Variants in PABPC4L observed in about 807,000 individuals in gnomAD.
PABPC4L encodes the protein poly(A) binding protein cytoplasmic 4 like.
For synonymous variants in PABPC4L, 169 were observed against 164.1 expected (o/e 1.03, Z -0.23); for missense variants, 452 against 451.4 (o/e 1.00, Z -0.01).
the PABPC4L span, among the ~76,000 whole-genome samples, chr4:134,063,255 T>G: frequency 6.6e-6 from 1 of 152,066 alleles, no homozygotes; most frequent in African/African-American, 2.4e-5. Flanking sequence ...GTTGAGCTTC[T>G]AATAGACGTG....
chr4:134,149,384 G>C, the PABPC4L span, among the ~76,000 whole-genome samples: 3 of 152,224 alleles, frequency 2.0e-5, no homozygotes, highest in Admixed American at 1.3e-4. Flanking sequence ...TTTGAGGCTG[G>C]GGTTGATCAA....
the PABPC4L span, among the ~76,000 whole-genome samples, chr4:134,095,904 A>T: frequency 5.1e-4 from 77 of 151,992 alleles, no homozygotes; most frequent in African/African-American, 1.8e-3. Flanking sequence ...CTTCCAGATC[A>T]CTCTGGCCAA....
chr4:134,147,726 AGTGT>A, the PABPC4L span, among the ~76,000 whole-genome samples: 7 of 145,342 alleles, frequency 4.8e-5, no homozygotes, highest in Non-Finnish European at 9.0e-5. Context: ...CAGAAATTAC[AGTGT>A]GTGTGTGTGT....
At chr4:134,016,492 T>C in the PABPC4L span, among the ~76,000 whole-genome samples, 1 of 152,158 alleles carries the variant, frequency 6.6e-6, no homozygotes, top group African/African-American at 2.4e-5. Flanking sequence ...GCTGATAAGA[T>C]AGCTAAAAAA....
the PABPC4L span, among the ~76,000 whole-genome samples, chr4:134,092,891 G>T: frequency 1.3e-5 from 2 of 152,038 alleles, no homozygotes; most frequent in South Asian, 4.1e-4. Flanking sequence ...CTTTTCTGAG[G>T]TAATTTCCTC....
At chr4:134,022,464 A>G in the PABPC4L span, among the ~76,000 whole-genome samples, 1 of 152,224 alleles carries the variant, frequency 6.6e-6, no homozygotes, top group East Asian at 1.9e-4. Context: ...GACTGCTACC[A>G]GGACTGTGTA....
chr4:133,970,286 C>A, the PABPC4L span, among the ~76,000 whole-genome samples: 1 of 151,822 alleles, frequency 6.6e-6, no homozygotes, highest in Non-Finnish European at 1.5e-5. Context: ...GCATTTTCAT[C>A]TGTTTTATTC....
chr4:134,104,368 T>C, the PABPC4L span, among the ~76,000 whole-genome samples: 1 of 151,892 alleles, frequency 6.6e-6, no homozygotes, highest in Non-Finnish European at 1.5e-5. Flanking sequence ...GTGTTCTTTC[T>C]TGAGCAGCAA....
At chr4:134,033,548 A>G in the PABPC4L span, among the ~76,000 whole-genome samples, 1 of 151,978 alleles carries the variant, frequency 6.6e-6, no homozygotes. Context: ...GCAAAGAAAA[A>G]GTTTTTGAAG....
the PABPC4L span, among the ~76,000 whole-genome samples, chr4:134,162,659 A>G: frequency 6.6e-6 from 1 of 152,138 alleles, no homozygotes; most frequent in Non-Finnish European, 1.5e-5. Context: ...CCTATCAAGT[A>G]TCTTCTCAAG....
chr4:134,128,509 T>C, the PABPC4L span, among the ~76,000 whole-genome samples: 1 of 152,086 alleles, frequency 6.6e-6, no homozygotes, highest in South Asian at 2.1e-4. Context: ...TTAGCCTCTT[T>C]AAACAAAACA....
chr4:134,064,623 A>G, the PABPC4L span, among the ~76,000 whole-genome samples: 1 of 152,200 alleles, frequency 6.6e-6, no homozygotes, highest in South Asian at 2.1e-4. Context: ...ATTTAGGTTC[A>G]GCATACACGT....
the PABPC4L span, among the ~76,000 whole-genome samples, chr4:134,092,924 C>T: frequency 0.013 from 1,972 of 152,044 alleles, 45 homozygotes; most frequent in African/African-American, 0.042. Context: ...TTTTTTTCTA[C>T]GGAAATTTGA....
chr4:134,019,731 T>C, the PABPC4L span, among the ~76,000 whole-genome samples: 1 of 152,258 alleles, frequency 6.6e-6, no homozygotes, highest in Middle Eastern at 3.4e-3. Context: ...AGAATCTTAG[T>C]AGTTTTAAAC....
chr4:134,079,376 C>T, the PABPC4L span, among the ~76,000 whole-genome samples: 199 of 149,714 alleles, frequency 1.3e-3, 1 homozygote, highest in African/African-American at 4.4e-3. Context: ...GGTCGGAGAT[C>T]GAGACCATCC....
the PABPC4L span, among the ~76,000 whole-genome samples, chr4:134,150,473 C>G: frequency 6.6e-6 from 1 of 152,086 alleles, no homozygotes. Flanking sequence ...GTATTAATTT[C>G]TACTTCAGTT....
the PABPC4L span, among the ~76,000 whole-genome samples, chr4:134,081,967 T>C: frequency 6.6e-6 from 1 of 152,080 alleles, no homozygotes; most frequent in African/African-American, 2.4e-5. Context: ...AAACTCCCTG[T>C]GTATATTGTC....
the PABPC4L span, among the ~76,000 whole-genome samples, chr4:134,186,663 A>C: frequency 6.6e-6 from 1 of 152,148 alleles, no homozygotes; most frequent in Non-Finnish European, 1.5e-5. Context: ...CACCAAAAGC[A>C]ATGGCAACGA....
At chr4:134,143,380 G>A in the PABPC4L span, among the ~76,000 whole-genome samples, 2 of 149,512 alleles carry the variant, frequency 1.3e-5, no homozygotes, top group Non-Finnish European at 3.0e-5. Flanking sequence ...ATGTAATTGT[G>A]TATATATATT....
Sources: allele counts gnomAD v4.1 joint callset (sites outside exome capture counted in the v4.1 genomes callset), GRCh38; gene constraint gnomAD v4.1.1; transcripts MANE v1.5; gene names NCBI Gene and HGNC (gene_info 2026-07-23, HGNC 2026-07-21).